The following CSMD1 variants were observed in gnomAD, a reference collection of about 807,000 sequenced individuals.
The protein encoded by CSMD1 is CUB and Sushi multiple domains 1, also known as CUB and sushi domain-containing protein 1.
CSMD1 carries 213 observed loss-of-function variants against 417.5 expected under a neutral mutation model. The observed-to-expected ratio is 0.51, with a 90% confidence interval of 0.46 to 0.57. The LOEUF (loss-of-function observed/expected upper bound fraction) is 0.57, where lower values mean the gene tolerates loss of function less well. Among genes scored for constraint, CSMD1 ranks in the 20% least tolerant of loss-of-function variants. The pLI is 0.00. For missense variants in CSMD1, 6,923 were observed against 4,529.7 expected, an observed-to-expected ratio of 1.53 and a Z score of -15.17; for synonymous variants, 2,862 against 1,736.8, an observed-to-expected ratio of 1.65 and a Z score of -16.11.
intron 3 of CSMD1, among the ~76,000 whole-genome samples, chr8:4,116,682 G>A (rs928849601): frequency 6.6e-6 from 1 of 152,014 alleles, no homozygotes; most frequent in Non-Finnish European, 1.5e-5. Flanking sequence ...TACGAGTGCA[G>A]GTGCCTGGAT....
intron 3 of CSMD1, among the ~76,000 whole-genome samples, chr8:4,369,499 G>C (rs534587239): frequency 2.0e-5 from 3 of 152,046 alleles, no homozygotes; most frequent in Non-Finnish European, 2.9e-5. Context: ...ATATCTGTTA[G>C]TTTTCTGCCA....
chr8:3,831,490 C>A (rs1353634253), intron 5 of CSMD1, among the ~76,000 whole-genome samples: 1 of 152,082 alleles, frequency 6.6e-6, no homozygotes, highest in Non-Finnish European at 1.5e-5. Context: ...TACTGAAGCC[C>A]ACAGTGTAGA....
intron 1 of CSMD1, among the ~76,000 whole-genome samples, chr8:4,770,518 GAAAA>G (rs1242149905): frequency 6.6e-6 from 1 of 150,810 alleles, no homozygotes; most frequent in African/African-American, 2.4e-5. Flanking sequence ...GCAATTCTGA[GAAAA>G]AAATCAAAAG....
intron 1 of CSMD1, among the ~76,000 whole-genome samples, chr8:4,962,316 G>T (rs983770263): frequency 6.6e-6 from 1 of 151,922 alleles, no homozygotes; most frequent in Non-Finnish European, 1.5e-5. Context: ...TCTCAAAAGA[G>T]CTTCCCATCT....
intron 3 of CSMD1, among the ~76,000 whole-genome samples, chr8:4,385,494 T>G (rs1051352088): frequency 6.6e-6 from 1 of 152,320 alleles, no homozygotes; most frequent in Middle Eastern, 3.4e-3. Context: ...TATTTGGAGC[T>G]TAGTACTACC....
chr8:3,819,941 C>G (rs991359433), intron 5 of CSMD1, among the ~76,000 whole-genome samples: 1 of 152,114 alleles, frequency 6.6e-6, no homozygotes, highest in African/African-American at 2.4e-5. Flanking sequence ...CTTCGCCTCT[C>G]CCTTGAATAA....
At chr8:3,336,878 C>G (rs961489783) in intron 23 of CSMD1, among the ~76,000 whole-genome samples, 2 of 152,154 alleles carry the variant, frequency 1.3e-5, no homozygotes, top group African/African-American at 4.8e-5. Context: ...CTGAGATGGT[C>G]AGATCCTAGT....
At chr8:4,449,489 A>T (rs1326522670) in intron 2 of CSMD1, among the ~76,000 whole-genome samples, 1 of 152,178 alleles carries the variant, frequency 6.6e-6, no homozygotes, top group Admixed American at 6.5e-5. Context: ...CTTCAGTGTA[A>T]TATGAAGTTA....
chr8:4,192,540 GC>G (rs1251558835), intron 3 of CSMD1, among the ~76,000 whole-genome samples: 3 of 152,030 alleles, frequency 2.0e-5, no homozygotes, highest in Non-Finnish European at 4.4e-5. Context: ...AGCAACAGGG[GC>G]TTTTATCTAC....
At chr8:3,355,941 T>C (rs529445442) in intron 21 of CSMD1, among the ~76,000 whole-genome samples, 2 of 152,228 alleles carry the variant, frequency 1.3e-5, no homozygotes, top group African/African-American at 2.4e-5. Flanking sequence ...CATGATACTA[T>C]TTCTATCATC....
chr8:4,945,083 C>T (rs1405089650), intron 1 of CSMD1, among the ~76,000 whole-genome samples: 2 of 152,086 alleles, frequency 1.3e-5, no homozygotes, highest in Non-Finnish European at 2.9e-5. Context: ...GAAGAAAATC[C>T]TGACATAGGC....
At chr8:4,234,079 A>G (rs1801902436) in intron 3 of CSMD1, among the ~76,000 whole-genome samples, 1 of 152,184 alleles carries the variant, frequency 6.6e-6, no homozygotes, top group Admixed American at 6.6e-5. Context: ...ACCCCTGCCT[A>G]AGTACTAACC....
chr8:4,759,849 T>C (rs751759881), intron 1 of CSMD1, among the ~76,000 whole-genome samples: 40 of 152,244 alleles, frequency 2.6e-4, no homozygotes, highest in Non-Finnish European at 5.1e-4. Flanking sequence ...TGTTTGCTAT[T>C]GTGAATAGTA....
At chr8:3,335,920 G>C (rs1454723609) in intron 23 of CSMD1, among the ~76,000 whole-genome samples, 1 of 152,124 alleles carries the variant, frequency 6.6e-6, no homozygotes, top group Non-Finnish European at 1.5e-5. Flanking sequence ...AGGCTTCTCT[G>C]TTCTCAAAAG....
chr8:4,004,660 T>C (rs1056315502), intron 4 of CSMD1, among the ~76,000 whole-genome samples: 1 of 152,204 alleles, frequency 6.6e-6, no homozygotes, highest in Non-Finnish European at 1.5e-5. Flanking sequence ...GTGTATGAAA[T>C]AGTCACTTTC....
intron 5 of CSMD1, among the ~76,000 whole-genome samples, chr8:3,983,649 A>G (rs952974349): frequency 1.3e-5 from 2 of 152,240 alleles, no homozygotes; most frequent in Non-Finnish European, 2.9e-5. Context: ...CACGTGTATC[A>G]TGATAGAGAT....
At position 3,845,370 on chromosome 8, in the gene CSMD1, T is replaced by C. The variant is rs150610784; in HGVS notation, c.819-91328A>G. ...TTGCTCCTGGACCACACACCTGTAC[T>C]GCATGGGACTGCCCTGAATACTGAA... is the stretch of plus-strand genomic sequence containing the variant. On this transcript the variant is annotated intron_variant, in intron 5 of 69. Transcript: ENST00000635120. Among the ~76,000 whole-genome samples, 1,277 of 152,316 alleles carry C rather than the reference T, an allele frequency of 8.4e-3. 57 individuals are homozygous for C. Among genetic ancestry groups the C allele is most frequent in the Admixed American group, 0.069 (1,052 of 15,296 alleles).
intron 2 of CSMD1, among the ~76,000 whole-genome samples, chr8:4,432,454 A>C (rs1217540): frequency 0.58 from 87,662 of 152,016 alleles, 26,333 homozygotes; most frequent in African/African-American, 0.73. Context: ...TGGACTAATG[A>C]CACAAAAACT....
At chr8:4,033,712 T>C (rs577590331) in intron 3 of CSMD1, among the ~76,000 whole-genome samples, 1 of 152,348 alleles carries the variant, frequency 6.6e-6, no homozygotes, top group South Asian at 2.1e-4. Flanking sequence ...TTACACAGTT[T>C]GACTCTTTTC....
Sources: gnomAD v4.1 joint callset for allele counts (sites outside exome capture counted in the v4.1 genomes callset) on GRCh38, gnomAD v4.1.1 for gene constraint, MANE v1.5 for transcripts, NCBI Gene and HGNC (gene_info 2026-07-23, HGNC 2026-07-21) for gene names.